AFG2A: variants seen among roughly 807,000 people sequenced by gnomAD.
The protein encoded by AFG2A is AAA ATPase AFG2A, also known as ATPase family gene 2 protein homolog A.
the AFG2A span, among the ~76,000 whole-genome samples, chr4:122,976,774 A>G: frequency 6.6e-6 from 1 of 152,176 alleles, no homozygotes; most frequent in East Asian, 1.9e-4. Flanking sequence ...AAAACTTTGT[A>G]ATTCTAGTTT....
chr4:123,195,067 A>C, the AFG2A span, among the ~76,000 whole-genome samples: 2 of 152,190 alleles, frequency 1.3e-5, no homozygotes, highest in East Asian at 3.9e-4. Flanking sequence ...GAGGCATTAA[A>C]CAAGTTGATA....
At chr4:123,245,070 A>G in the AFG2A span, among the ~76,000 whole-genome samples, 1 of 152,226 alleles carries the variant, frequency 6.6e-6, no homozygotes, top group Non-Finnish European at 1.5e-5. Context: ...GCCTGGGAGT[A>G]GACAGGACTG....
the AFG2A span, among the ~76,000 whole-genome samples, chr4:123,232,461 C>A: frequency 2.6e-5 from 4 of 151,930 alleles, no homozygotes; most frequent in Non-Finnish European, 5.9e-5. Flanking sequence ...GGGCAAGATA[C>A]AGACAGAAAA....
chr4:122,935,635 C>A, the AFG2A span: 1 of 1,442,034 alleles, frequency 6.9e-7, no homozygotes, highest in South Asian at 1.7e-5. Context: ...AATTTTATAA[C>A]TCATGTTTGA....
At chr4:122,944,783 T>G in the AFG2A span, among the ~76,000 whole-genome samples, 1 of 152,156 alleles carries the variant, frequency 6.6e-6, no homozygotes, top group Admixed American at 6.5e-5. Flanking sequence ...TTGTTTGGTC[T>G]TTGATGATGG....
At chr4:123,053,613 G>A in the AFG2A span, among the ~76,000 whole-genome samples, 1 of 152,218 alleles carries the variant, frequency 6.6e-6, no homozygotes, top group Non-Finnish European at 1.5e-5. Flanking sequence ...TCTGCTGTGG[G>A]ATGGAGGTTG....
At chr4:123,044,547 C>CAG in the AFG2A span, among the ~76,000 whole-genome samples, 1,839 of 152,256 alleles carry the variant, frequency 0.012, 41 homozygotes, top group African/African-American at 0.041. Context: ...GTGGCTCTGA[C>CAG]AAACTGTTTT....
At chr4:123,135,829 A>G in the AFG2A span, among the ~76,000 whole-genome samples, 5 of 152,160 alleles carry the variant, frequency 3.3e-5, no homozygotes, top group Non-Finnish European at 5.9e-5. Context: ...ATACTGAGGG[A>G]CAGCTATATA....
the AFG2A span, among the ~76,000 whole-genome samples, chr4:122,965,502 T>C: frequency 6.6e-6 from 1 of 152,236 alleles, no homozygotes; most frequent in African/African-American, 2.4e-5. Flanking sequence ...ATTTTGCCTT[T>C]TCTTCCCTTC....
the AFG2A span, among the ~76,000 whole-genome samples, chr4:123,273,320 C>T: frequency 1.3e-5 from 2 of 152,146 alleles, no homozygotes; most frequent in Non-Finnish European, 2.9e-5. Context: ...CAAACTTTAT[C>T]AGTGTAAACA....
chr4:123,070,615 G>A, the AFG2A span, among the ~76,000 whole-genome samples: 1 of 152,012 alleles, frequency 6.6e-6, no homozygotes, highest in African/African-American at 2.4e-5. Context: ...CATACATGAG[G>A]GCTCCACCTT....
the AFG2A span, chr4:123,056,558 T>C: frequency 2.0e-5 from 13 of 652,226 alleles, no homozygotes; most frequent in Non-Finnish European, 2.7e-5. Context: ...ATCTTAGTGG[T>C]ATTTTTTTTT....
chr4:123,300,750 TTG>T, the AFG2A span, among the ~76,000 whole-genome samples: 4 of 68,244 alleles, frequency 5.9e-5, no homozygotes, highest in Admixed American at 5.1e-4. Flanking sequence ...TATGTTTTTT[TTG>T]TTTTTTTTTT....
chr4:123,038,690 A>G, the AFG2A span, among the ~76,000 whole-genome samples: 1 of 152,134 alleles, frequency 6.6e-6, no homozygotes, highest in South Asian at 2.1e-4. Context: ...CATATTTTCT[A>G]GGGACCCTGC....
At chr4:123,241,218 T>C in the AFG2A span, among the ~76,000 whole-genome samples, 1 of 152,242 alleles carries the variant, frequency 6.6e-6, no homozygotes, top group Non-Finnish European at 1.5e-5. Flanking sequence ...GAGGAGCTGT[T>C]ACCATTCCTT....
chr4:123,022,024 A>T, the AFG2A span, among the ~76,000 whole-genome samples: 2 of 151,284 alleles, frequency 1.3e-5, no homozygotes, highest in Non-Finnish European at 2.9e-5. Context: ...TACGCCTTAT[A>T]CAAAAATTAA....
At chr4:123,083,384 C>T in the AFG2A span, among the ~76,000 whole-genome samples, 1 of 146,096 alleles carries the variant, frequency 6.8e-6, no homozygotes, top group Admixed American at 7.0e-5. Context: ...CAAATATTTT[C>T]TTCATCTATT....
chr4:123,298,080 AACAC>A, the AFG2A span, among the ~76,000 whole-genome samples: 1 of 147,204 alleles, frequency 6.8e-6, no homozygotes, highest in East Asian at 2.0e-4. Flanking sequence ...ACAGTGTGAA[AACAC>A]ACACACACAT....
At chr4:123,254,155 G>A in the AFG2A span, among the ~76,000 whole-genome samples, 4 of 152,082 alleles carry the variant, frequency 2.6e-5, no homozygotes, top group African/African-American at 9.7e-5. Context: ...TCTGTGACCT[G>A]TCTTTTCGTT....
Sources: gnomAD v4.1 joint callset for allele counts (sites outside exome capture counted in the v4.1 genomes callset) on GRCh38, gnomAD v4.1.1 for gene constraint, MANE v1.5 for transcripts, NCBI Gene and HGNC (gene_info 2026-07-23, HGNC 2026-07-21) for gene names.